Variants in SPIDR observed in about 807,000 individuals in gnomAD.
SPIDR encodes scaffold protein involved in DNA repair.
A neutral mutation model predicts 104.6 loss-of-function variants in SPIDR; 93 were observed. That is an observed-to-expected ratio of 0.89 (90% confidence interval 0.75 to 1.06). SPIDR has a LOEUF of 1.06. SPIDR is among the 50% of genes least tolerant of loss of function. The pLI, the probability that SPIDR is intolerant of heterozygous loss-of-function variation, is 0.00. For synonymous variants in SPIDR, 431 were observed against 416.9 expected (o/e 1.03, Z -0.41); for missense variants, 1,154 against 1,111.2 (o/e 1.04, Z -0.55).
intron 8 of SPIDR, chr8:47,511,291 G>C (rs1016363872): frequency 1.4e-6 from 2 of 1,452,390 alleles, no homozygotes; most frequent in Non-Finnish European, 1.9e-6. Flanking sequence ...TAAGATGGAA[G>C]AGCTGGCTTT....
intron 16 of SPIDR, among the ~76,000 whole-genome samples, chr8:47,724,744 C>G (rs1208594200): frequency 1.3e-5 from 2 of 152,212 alleles, no homozygotes; most frequent in East Asian, 3.8e-4. Flanking sequence ...GGCAGCATCC[C>G]TCTGTCCATC....
chr8:47,659,728 C>T lies in SPIDR; in HGVS notation c.1545-14073C>T, dbSNP rs1047114759. ...TTCTGTCCCCATGCTCCCTTTTTTT[C>T]TCTCTCTCTTCTTATCACTTCATCC... is the stretch of plus-strand genomic sequence containing the variant. On this transcript the variant is annotated intron_variant, in intron 10 of 19. Transcript: ENST00000297423. 3 of 983,136 alleles carry T rather than the reference C, an allele frequency of 3.1e-6. No homozygotes were observed. The African/African-American group carries it at 5.3e-5, about 17-fold the overall frequency. 60.9% of individuals were successfully genotyped at this position (983,136 alleles called of 1,614,324 possible). A position where few individuals can be genotyped will look rare whatever the true frequency, so the allele number is the denominator to read the frequency against.
At position 47,401,198 on chromosome 8, in the gene SPIDR, A is replaced by C. The variant is rs556038241; in HGVS notation, c.776+4572A>C. Among the ~76,000 whole-genome samples the C allele has an allele frequency of 2.4e-4, 37 of 152,334 alleles. 1 individual carries two copies. Among genetic ancestry groups the C allele is most frequent in the African/African-American group, 7.2e-4 (30 of 41,578 alleles). On this transcript the variant is annotated intron_variant, in intron 6 of 19. Transcript: ENST00000297423. Reference sequence around the variant, plus strand: ...GGCCAATATTCAACATTCTTAAAGAAAAGAATTTTCAACCCAGAATTTCAT... The same window carrying C: ...GGCCAATATTCAACATTCTTAAAGACAAGAATTTTCAACCCAGAATTTCAT...
intron 8 of SPIDR, among the ~76,000 whole-genome samples, chr8:47,451,248 G>T (rs2071667322): frequency 6.6e-6 from 1 of 152,086 alleles, no homozygotes; most frequent in South Asian, 2.1e-4. Flanking sequence ...AAACCAAAGA[G>T]AAATTCTGGA....
At chr8:47,320,613 C>G (rs1174476849) in intron 5 of SPIDR, among the ~76,000 whole-genome samples, 1 of 152,148 alleles carries the variant, frequency 6.6e-6, no homozygotes, top group Non-Finnish European at 1.5e-5. Context: ...CAGCATCAGC[C>G]TGATACCAAA....
intron 8 of SPIDR, among the ~76,000 whole-genome samples, chr8:47,503,587 C>A (rs1357638350): frequency 6.6e-6 from 1 of 152,140 alleles, no homozygotes; most frequent in Non-Finnish European, 1.5e-5. Context: ...CGACTCTATC[C>A]AATTTGCCAG....
At chr8:47,273,560 C>T (rs905314644) in intron 1 of SPIDR, among the ~76,000 whole-genome samples, 5 of 151,816 alleles carry the variant, frequency 3.3e-5, no homozygotes, top group East Asian at 3.9e-4. Context: ...AGAAGCTCAT[C>T]GAATCTTGTT....
At chr8:47,640,298 T>C (rs1173635933) in intron 10 of SPIDR, among the ~76,000 whole-genome samples, 2 of 152,084 alleles carry the variant, frequency 1.3e-5, no homozygotes, top group African/African-American at 4.8e-5. Flanking sequence ...GGAACCTGAG[T>C]TGGGTAGAGT....
intron 8 of SPIDR, among the ~76,000 whole-genome samples, chr8:47,462,408 A>C (rs935988858): frequency 6.6e-6 from 1 of 152,124 alleles, no homozygotes; most frequent in Non-Finnish European, 1.5e-5. Flanking sequence ...TCTGGAGCCA[A>C]AGTTCATGAT....
chr8:47,362,655 T>G (rs77976482), intron 5 of SPIDR, among the ~76,000 whole-genome samples: 2 of 152,054 alleles, frequency 1.3e-5, no homozygotes, highest in East Asian at 3.8e-4. Context: ...TGTTGGTTTG[T>G]TTTGTTTTGT....
intron 8 of SPIDR, among the ~76,000 whole-genome samples, chr8:47,468,649 A>G (rs576304201): frequency 3.3e-5 from 5 of 152,354 alleles, no homozygotes; most frequent in Admixed American, 3.3e-4. Context: ...GGCTAGCCAC[A>G]TGCAGAAGAT....
At chr8:47,392,544 C>T (rs1258106083) in intron 5 of SPIDR, among the ~76,000 whole-genome samples, 3 of 152,216 alleles carry the variant, frequency 2.0e-5, no homozygotes, top group Non-Finnish European at 4.4e-5. Flanking sequence ...CTAATTCTCA[C>T]TGAGGAAGCA....
intron 8 of SPIDR, among the ~76,000 whole-genome samples, chr8:47,457,153 C>G (rs566655345): frequency 4.6e-5 from 7 of 152,152 alleles, no homozygotes; most frequent in Non-Finnish European, 8.8e-5. Flanking sequence ...AATGGTAGTT[C>G]TACTTTTAGT....
chr8:47,499,179 A>G (rs951064822), intron 8 of SPIDR, among the ~76,000 whole-genome samples: 3 of 152,246 alleles, frequency 2.0e-5, no homozygotes, highest in Non-Finnish European at 2.9e-5. Flanking sequence ...AATACTAAGC[A>G]GAGAAAATAT....
chr8:47,413,694 T>C (rs1554673410), intron 7 of SPIDR, among the ~76,000 whole-genome samples: 1 of 152,240 alleles, frequency 6.6e-6, no homozygotes, highest in Non-Finnish European at 1.5e-5. Context: ...CCCTTCAACA[T>C]GATCCTCATT....
intron 8 of SPIDR, among the ~76,000 whole-genome samples, chr8:47,541,823 C>T (rs921839454): frequency 1.3e-5 from 2 of 152,012 alleles, no homozygotes; most frequent in South Asian, 4.1e-4. Flanking sequence ...TGCTTGAACT[C>T]GGGAGGCTGA....
chr8:47,501,564 A>G (rs1277300561), intron 8 of SPIDR, among the ~76,000 whole-genome samples: 2 of 152,170 alleles, frequency 1.3e-5, no homozygotes, highest in Non-Finnish European at 2.9e-5. Context: ...GGGGTTTTCT[A>G]GAAATATAAT....
intron 8 of SPIDR, among the ~76,000 whole-genome samples, chr8:47,589,049 G>A (rs1247444845): frequency 5.3e-5 from 3 of 56,360 alleles, no homozygotes; most frequent in Non-Finnish European, 1.2e-4. Flanking sequence ...TTTTTGTACT[G>A]TCTTTGGTTT....
intron 11 of SPIDR, among the ~76,000 whole-genome samples, chr8:47,675,976 G>C (rs1485752323): frequency 6.6e-6 from 1 of 152,246 alleles, no homozygotes; most frequent in Non-Finnish European, 1.5e-5. Flanking sequence ...GCCACAGGAT[G>C]TTCCAGCTGT....
Sources: allele counts gnomAD v4.1 joint callset (sites outside exome capture counted in the v4.1 genomes callset), GRCh38; gene constraint gnomAD v4.1.1; transcripts MANE v1.5; gene names NCBI Gene and HGNC (gene_info 2026-07-23, HGNC 2026-07-21).